The following INPP5E variants were observed in gnomAD, a reference collection of about 807,000 sequenced individuals.
INPP5E encodes the protein phosphatidylinositol polyphosphate 5-phosphatase type IV.
In INPP5E, 34 loss-of-function variants were observed where a neutral mutation model predicts 50.5. The observed-to-expected ratio is 0.67, with a 90% CI of 0.51 to 0.90. The LOEUF (loss-of-function observed/expected upper bound fraction) is 0.90, where lower values mean the gene tolerates loss of function less well. Ranked by LOEUF, INPP5E falls within the 40% of genes least tolerant of loss-of-function variation. The probability of loss-of-function intolerance (pLI) is 0.00; values close to 1 mark genes in which losing one functional copy is unlikely to be tolerated. For missense variants in INPP5E, 942 were observed against 905.5 expected, an observed-to-expected ratio of 1.04 and a Z score of -0.52; for synonymous variants, 447 against 406.0, an observed-to-expected ratio of 1.10 and a Z score of -1.21.
chr9:136,431,851 C>G lies in INPP5E; in HGVS notation c.1522G>C (p.Asp508His). ...TTCCGCATCTCCCGGATGAGCTGGT[C>G]GTGCTGCAGCAGCGCCGGCACGTCC... ...VVDVPALLQH[D>H]QLIREMRKGS... The change falls in exon 7 of 10, where the codon GAC (aspartate) becomes CAC (histidine). Residue 508 changes from aspartate to histidine, a missense_variant. Physicochemically the swap from Asp to His is moderately conservative, Grantham distance 81 (BLOSUM62 -1). Transcript: ENST00000371712. 1 of 1,607,630 alleles carries G rather than the reference C, an allele frequency of 6.2e-7. No homozygotes were observed. The highest frequency in any genetic ancestry group is 8.5e-7 in the Non-Finnish European group (1 of 1,178,658).
intron 7 of INPP5E, 39 bp from the exon 8 acceptor site, chr9:136,431,156 T>C (rs1835690059): frequency 1.4e-6 from 2 of 1,397,854 alleles, no homozygotes; most frequent in Non-Finnish European, 2.0e-6. Flanking sequence ...TCAGACCAGC[T>C]TGTGCCAGCC....
chr9:136,430,277 T>C lies in INPP5E; in HGVS notation c.1802A>G (p.Asn601Ser), dbSNP rs749720435. 5.8e-6 allele frequency: 9 copies of C among 1,551,348 alleles called. No homozygotes were observed. The East Asian group carries it at 2.2e-4, about 38-fold the overall frequency. Residue 601 changes from asparagine to serine, a missense_variant and splice_region_variant, in exon 9 of 10, where the codon AAC becomes AGC. Coordinates refer to ENST00000371712, the MANE Select transcript of INPP5E (RefSeq NM_019892.6). Reference sequence around the variant, plus strand: ...GGAAGGTGAGCGGGAGAACACTGACTTGTCTCGCCCCGGCCTCACTTTCAC... The same window carrying C: ...GGAAGGTGAGCGGGAGAACACTGACCTGTCTCGCCCCGGCCTCACTTTCAC... ...FRVKVRPGRDNIPLAAGKFDR... is the reference protein window; with the variant it reads ...FRVKVRPGRDSIPLAAGKFDR...
At position 136,438,854 on chromosome 9, in the gene INPP5E, A is replaced by G; in HGVS notation, c.566T>C (p.Leu189Pro). The change falls in exon 1 of 10, where the codon CTG becomes CCG. Residue 189 changes from leucine to proline, a missense_variant. Leu to Pro is a moderately conservative substitution (Grantham distance 98). Transcript: ENST00000371712. ...CAGGGCAGGCGGTGGGCGCGGGGGCAGCAGGCTGGGCAGCCTGGGCGAGCT... is the reference window on the plus strand; with the variant it reads ...CAGGGCAGGCGGTGGGCGCGGGGGCGGCAGGCTGGGCAGCCTGGGCGAGCT... The part of the protein sequence containing the change: ...AGSSPRLPSL[L>P]PPRPPPALSL... 1 of 1,603,154 alleles carries G rather than the reference A, an allele frequency of 6.2e-7. No homozygotes were observed. Among genetic ancestry groups the G allele is most frequent in the Non-Finnish European group, 8.5e-7 (1 of 1,175,496 alleles).
At chr9:136,437,776 G>T (rs1411607175) in intron 1 of INPP5E, 1 of 152,654 alleles carries the variant, frequency 6.6e-6, no homozygotes, top group Non-Finnish European at 1.5e-5. Context: ...TGGGGTGGGG[G>T]GAGGAAAAGA....
chr9:136,439,195 G>A lies in INPP5E; in HGVS notation c.225C>T (p.Pro75=). 6.5e-7 allele frequency: 1 copy of A among 1,541,958 alleles called. No individual in the cohort carries two copies. The highest frequency in any genetic ancestry group is 8.7e-7 in the Non-Finnish European group (1 of 1,149,424). ...GGGCTCGCTCCAGTCGAGGCCTGGC[G>A]GGGGGCCGCGGGGCGATGGGTGCTG... ...ARAAPIAPRP[P]ARPRLERALS... Residue 75 remains proline (P), a synonymous_variant, in exon 1 of 10, where the codon CCC becomes CCT. Transcript: ENST00000371712.
At chr9:136,430,061 G>GC (rs34184721) in intron 9 of INPP5E, among the ~76,000 whole-genome samples, 16 of 152,116 alleles carry the variant, frequency 1.1e-4, no homozygotes, top group African/African-American at 3.9e-4. Context: ...GCCACACCCA[G>GC]CCCCCCAGCT....
In INPP5E at chr9:136,439,790, G is replaced by GGCCCGGCCGCCCAGAAGCGGAGTCA. The variant is rs1835965947; in HGVS notation, c.-396_-372dup. ...CCGAAGTCGACCCGGTACTCGCGGA[G>GGCCCGGCCGCCCAGAAGCGGAGTCA]GCCCGGCCGCCCAGAAGCGGAGTCA... is the stretch of plus-strand genomic sequence containing the variant. On this transcript the variant is annotated 5_prime_UTR_variant, in exon 1 of 10. Coordinates refer to ENST00000371712, the MANE Select transcript of INPP5E (RefSeq NM_019892.6). The GGCCCGGCCGCCCAGAAGCGGAGTCA allele has an allele frequency of 1.2e-5, 2 of 169,306 alleles. No individual in the cohort carries two copies. Among genetic ancestry groups the GGCCCGGCCGCCCAGAAGCGGAGTCA allele is most frequent in the African/African-American group, 4.8e-5 (2 of 42,012 alleles). The allele number at this position is 169,306 out of a possible 1,614,324, so 10.5% of individuals were successfully genotyped here.
chr9:136,439,446 G>C lies in INPP5E; in HGVS notation c.-27C>G, dbSNP rs1045719066. 6 of 1,426,346 alleles carry C rather than the reference G, an allele frequency of 4.2e-6. No homozygotes were observed. The highest frequency in any genetic ancestry group is 5.5e-6 in the Non-Finnish European group (6 of 1,091,628). The allele number at this position is 1,426,346 out of a possible 1,614,324, so 88.4% of individuals were successfully genotyped here. On this transcript the variant is annotated 5_prime_UTR_variant, in exon 1 of 10. Coordinates refer to ENST00000371712, the MANE Select transcript of INPP5E (RefSeq NM_019892.6). ...GACGGTCTCTCCCGGGGCAGGCCTC[G>C]GCGCGAGGCCGCAGGCAGCGCGAGG...
rs1308391041 is a variant in INPP5E at position 136,430,317 on chromosome 9, A to G, written c.1762T>C (p.Tyr588His). 3.2e-6 allele frequency: 5 copies of G among 1,552,040 alleles called. No individual in the cohort carries two copies. Among genetic ancestry groups the G allele is most frequent in the Non-Finnish European group, 4.4e-6 (5 of 1,147,132 alleles). ...CTCACTTTCACCCGGAAGAGGCCAT[A>G]CACAGGGCGGTGGTCGGACGTCTTG... Reference protein sequence around the residue: ...GIKTSDHRPVYGLFRVKVRPG... With the variant: ...GIKTSDHRPVHGLFRVKVRPG... The change falls in exon 9 of 10, where the codon TAT becomes CAT. Residue 588 changes from tyrosine (Y) to histidine (H), a missense_variant. Physicochemically the swap from Tyr to His is moderately conservative, Grantham distance 83. Coordinates refer to ENST00000371712, the MANE Select transcript of INPP5E (RefSeq NM_019892.6).
chr9:136,432,976 A>G lies in INPP5E; in HGVS notation c.1259T>C (p.Phe420Ser). The change falls in exon 5 of 10, where the codon TTC becomes TCC. Residue 420 changes from phenylalanine to serine, a missense_variant. Transcript: ENST00000371712. ...SFTFFGTSFL[F>S]ITSHFTSGDG... ...CTTACAGGTGAAGTGGGACGTGATG[A>G]AGAGGAAGGAAGTGCCAAAAAAGGT... is the stretch of plus-strand genomic sequence containing the variant. 6.2e-7 allele frequency: 1 copy of G among 1,613,416 alleles called. No homozygotes were observed. The highest frequency in any genetic ancestry group is 1.7e-5 in the Admixed American group (1 of 59,960).
chr9:136,438,169 G>T, intron 1 of INPP5E: 1 of 195,422 alleles, frequency 5.1e-6, no homozygotes, highest in Non-Finnish European at 1.1e-5. Context: ...CAGATTCTCA[G>T]GAGGCTGCGG....
At chr9:136,434,965 G>T in intron 1 of INPP5E, 102 bp from the exon 2 acceptor site, 1 of 1,425,664 alleles carries the variant, frequency 7.0e-7, no homozygotes, top group Non-Finnish European at 9.6e-7. Context: ...GGAATGTCAG[G>T]AGCTGCCCCC....
At position 136,434,234 on chromosome 9, in the gene INPP5E, G is replaced by A. The variant is rs1160487058; in HGVS notation, c.937-100C>T. The A allele has an allele frequency of 4.0e-5, 33 of 821,614 alleles. 1 individual carries two copies. The highest frequency in any genetic ancestry group is 2.3e-4 in the South Asian group (16 of 68,172). 50.9% of individuals were successfully genotyped at this position (821,614 alleles called of 1,614,324 possible). ...TGCCTTGAGTACCAGCGACTCCTCC[G>A]AATGAGGGGAAACTGAGGCCAGGGC... On this transcript the variant is annotated intron_variant, in intron 2 of 9. Coordinates refer to ENST00000371712, the MANE Select transcript of INPP5E (RefSeq NM_019892.6).
At chr9:136,432,026 C>T (rs372058253) in intron 6 of INPP5E, 41 bp from the exon 7 acceptor site, 29 of 1,611,538 alleles carry the variant, frequency 1.8e-5, no homozygotes, top group African/African-American at 1.2e-4. Context: ...GGCAGAGGGA[C>T]GGCAGGTCCT....
chr9:136,430,876 G>A (rs896826221), intron 8 of INPP5E, 126 bp downstream of exon 8: 9 of 727,002 alleles, frequency 1.2e-5, no homozygotes, highest in Non-Finnish European at 2.2e-5. Context: ...ACAAGGCCAA[G>A]GTGCAGAGCT....
chr9:136,431,141 C>G (rs1346495756), intron 7 of INPP5E, 24 bp from the exon 8 acceptor site: 2 of 1,519,374 alleles, frequency 1.3e-6, no homozygotes, highest in Admixed American at 3.4e-5. Context: ...GGCACTCGGA[C>G]TGGCTCAGAC....
In INPP5E at chr9:136,439,222, T is replaced by C. The variant is rs1381943919; in HGVS notation, c.198A>G (p.Arg66=). ...ATPSGEDPPA[R]AAPIAPRPPA... is the part of the protein sequence containing the mutation. ...GGGGCCGCGGGGCGATGGGTGCTGC[T>C]CGGGCTGGCGGGTCCTCGCCGCTGG... Residue 66 remains arginine, a synonymous_variant, in exon 1 of 10, where the codon CGA becomes CGG. Transcript: ENST00000371712. 6.5e-7 allele frequency: 1 copy of C among 1,533,140 alleles called. No individual in the cohort carries two copies. The highest frequency in any genetic ancestry group is 1.2e-5 in the South Asian group (1 of 83,892). 95.0% of individuals were successfully genotyped at this position (1,533,140 alleles called of 1,614,324 possible).
chr9:136,439,353 G>C lies in INPP5E; in HGVS notation c.67C>G (p.Leu23Val). 6.9e-7 allele frequency: 1 copy of C among 1,444,330 alleles called. No homozygotes were observed. Among genetic ancestry groups the C allele is most frequent in the Admixed American group, 2.8e-5 (1 of 35,628 alleles). The allele number at this position is 1,444,330 out of a possible 1,614,324, so 89.5% of individuals were successfully genotyped here. A position where few individuals can be genotyped will look rare whatever the true frequency, so the allele number is the denominator to read the frequency against. Residue 23 changes from leucine to valine, a missense_variant, in exon 1 of 10, where the codon CTC becomes GTC. Physicochemically the swap from Leu to Val is conservative, Grantham distance 32. Transcript: ENST00000371712. ...PAPQPPEGRT[L>V]QGQLPGAPPA... The stretch of plus-strand genomic sequence containing the variant: ...GGAGCGCCGGGAAGCTGTCCTTGGA[G>C]CGTCCTCCCTTCCGGCGGCTGCGGG...
Position 136,430,285 on chromosome 9 carries a change from C to A in INPP5E, c.1794G>T (p.Gly598=), listed in dbSNP as rs33982662. The part of the protein sequence containing the change: ...YGLFRVKVRP[G]RDNIPLAAGK... ...AGCGGGAGAACACTGACTTGTCTCG[C>A]CCCGGCCTCACTTTCACCCGGAAGA... The change falls in exon 9 of 10, where the codon GGG becomes GGT. Residue 598 remains glycine (G), a synonymous_variant. Coordinates refer to ENST00000371712, the MANE Select transcript of INPP5E (RefSeq NM_019892.6). The A allele has an allele frequency of 0.26, 405,373 of 1,551,170 alleles. 55,551 individuals carry two copies. The highest frequency in any genetic ancestry group is 0.29 in the Non-Finnish European group (327,191 of 1,146,920).
Sources: allele counts gnomAD v4.1 joint callset (sites outside exome capture counted in the v4.1 genomes callset), GRCh38; gene constraint gnomAD v4.1.1; transcripts MANE v1.5; gene names NCBI Gene and HGNC (gene_info 2026-07-23, HGNC 2026-07-21).